Variants in TGFBR3 observed in about 807,000 individuals in gnomAD.
The protein encoded by TGFBR3 is transforming growth factor beta receptor 3.
In TGFBR3, 46 loss-of-function variants were observed where a neutral mutation model predicts 87.9. That is an observed-to-expected ratio of 0.52 (90% CI 0.41 to 0.67). The LOEUF is 0.67. Among genes scored for constraint, TGFBR3 ranks in the 30% least tolerant of loss-of-function variants. TGFBR3 has a pLI of 0.00. For synonymous variants in TGFBR3, 381 were observed against 391.6 expected (o/e 0.97, Z 0.32); for missense variants, 866 against 1,041.9 (o/e 0.83, Z 2.32).
intron 1 of TGFBR3, among the ~76,000 whole-genome samples, chr1:91,878,015 A>G (rs910198647): frequency 6.6e-6 from 1 of 152,258 alleles, no homozygotes; most frequent in Non-Finnish European, 1.5e-5. Context: ...GCAATGATGC[A>G]AAATGTATGT....
intron 1 of TGFBR3, among the ~76,000 whole-genome samples, chr1:91,865,331 A>G (rs1402606260): frequency 6.6e-6 from 1 of 151,642 alleles, no homozygotes; most frequent in Non-Finnish European, 1.5e-5. Flanking sequence ...AAGTAGAAAT[A>G]CCTAATGTAA....
At chr1:91,749,111 G>C (rs1673447058) in intron 4 of TGFBR3, among the ~76,000 whole-genome samples, 1 of 152,142 alleles carries the variant, frequency 6.6e-6, no homozygotes, top group East Asian at 1.9e-4. Context: ...GCAAGAAAAG[G>C]ATATAAAAAC....
At chr1:91,832,347 T>C (rs189637773) in intron 2 of TGFBR3, among the ~76,000 whole-genome samples, 7 of 135,158 alleles carry the variant, frequency 5.2e-5, no homozygotes, top group Non-Finnish European at 1.1e-4. Flanking sequence ...CCTTTGAATT[T>C]GTACAGGAAT....
rs1478969173 is a variant in TGFBR3, at chr1:91,680,935, A to T, written c.*2804T>A. Reference sequence around the variant, plus strand: ...AAATCTCTGGCTTTTTAAAATACAGAGTAACAGCTGGTAAACACCACATGG... The same window carrying T: ...AAATCTCTGGCTTTTTAAAATACAGTGTAACAGCTGGTAAACACCACATGG... On this transcript the variant is annotated 3_prime_UTR_variant, in exon 17 of 17. Coordinates refer to ENST00000212355, the MANE Select transcript of TGFBR3 (RefSeq NM_003243.5). The T allele has an allele frequency of 2.2e-6, 1 of 454,160 alleles. No individual in the cohort carries two copies. Among genetic ancestry groups the T allele is most frequent in the Non-Finnish European group, 4.4e-6 (1 of 226,788 alleles). 28.1% of individuals were successfully genotyped at this position (454,160 alleles called of 1,614,324 possible).
At chr1:91,812,543 T>C (rs1182544053) in intron 2 of TGFBR3, among the ~76,000 whole-genome samples, 1 of 152,184 alleles carries the variant, frequency 6.6e-6, no homozygotes, top group African/African-American at 2.4e-5. Context: ...TACTAATTAG[T>C]TTATTAAAAC....
At chr1:91,779,618 C>G (rs556410310) in intron 3 of TGFBR3, among the ~76,000 whole-genome samples, 1 of 152,170 alleles carries the variant, frequency 6.6e-6, no homozygotes, top group African/African-American at 2.4e-5. Context: ...TGAGCAAACA[C>G]AGGAAGTCAT....
intron 9 of TGFBR3, 144 bp from the exon 10 acceptor site, chr1:91,719,608 G>T: frequency 9.3e-7 from 1 of 1,075,742 alleles, no homozygotes. Context: ...TCTCTTCCCA[G>T]CTGCCCACCT....
In TGFBR3 at chr1:91,776,163, A is replaced by G. The variant is rs1674558946; in HGVS notation, c.247-17413T>C. The stretch of plus-strand genomic sequence containing the variant: ...AAGTCAACACGCAACACTGGGTGCA[A>G]CATCTAAGCCCACATTTAAGCAAAG... On this transcript the variant is annotated intron_variant, in intron 3 of 16. Coordinates refer to ENST00000212355, the MANE Select transcript of TGFBR3 (RefSeq NM_003243.5). 2.0e-5 allele frequency among the ~76,000 whole-genome samples: 3 copies of G among 152,216 alleles called. No individual in the cohort carries two copies. In the South Asian group the frequency reaches 6.2e-4, roughly 32 times the overall value.
chr1:91,748,147 C>T lies in TGFBR3; in HGVS notation c.384+10466G>A, dbSNP rs181858133. On this transcript the variant is annotated intron_variant, in intron 4 of 16. Transcript: ENST00000212355. ...AAGAATGGAGGTGAGGCCTCTAGCCCGAAATAACTGTGGTTGGAGCCTCCT... is the reference window on the plus strand; with the variant it reads ...AAGAATGGAGGTGAGGCCTCTAGCCTGAAATAACTGTGGTTGGAGCCTCCT... 5.2e-3 allele frequency among the ~76,000 whole-genome samples: 795 copies of T among 152,262 alleles called. 7 individuals carry two copies. Among genetic ancestry groups the T allele is most frequent in the Middle Eastern group, 0.014 (4 of 292 alleles).
intron 4 of TGFBR3, among the ~76,000 whole-genome samples, chr1:91,745,684 C>A (rs1233809269): frequency 6.6e-6 from 1 of 152,190 alleles, no homozygotes; most frequent in Non-Finnish European, 1.5e-5. Context: ...CCTGGGAGGA[C>A]CCCACTTGCC....
intron 14 of TGFBR3, among the ~76,000 whole-genome samples, chr1:91,705,337 C>A (rs1416815816): frequency 6.6e-6 from 1 of 151,498 alleles, no homozygotes; most frequent in African/African-American, 2.4e-5. Flanking sequence ...CAATTCTCTG[C>A]CTCAGCCTAA....
In TGFBR3 at chr1:91,710,190, T is replaced by C. The variant is rs906801641; in HGVS notation, c.2167-1407A>G. On this transcript the variant is annotated intron_variant, in intron 13 of 16. Transcript: ENST00000212355. ...TCCAAACACAAAAGAGCAAAGACTT[T>C]AGGCCTTGCTGTCATTGCTGCTCTG... Among the ~76,000 whole-genome samples, 7 of 152,192 alleles carry C rather than the reference T, an allele frequency of 4.6e-5. No individual in the cohort carries two copies. In the East Asian group the frequency reaches 7.7e-4, roughly 17 times the overall value.
In TGFBR3 at chr1:91,681,926, C is replaced by A. The variant is rs778134022; in HGVS notation, c.*1813G>T. On this transcript the variant is annotated 3_prime_UTR_variant, in exon 17 of 17. Transcript: ENST00000212355. ...AAAAAAAAATTAAAGGAAAAAAATT[C>A]TCTAAACTCATGTCTTCTTCGTTTG... is the stretch of plus-strand genomic sequence containing the variant. 1 of 451,330 alleles carries A rather than the reference C, an allele frequency of 2.2e-6. No individual in the cohort carries two copies. Among genetic ancestry groups the A allele is most frequent in the Non-Finnish European group, 4.4e-6 (1 of 226,210 alleles). 28.0% of individuals were successfully genotyped at this position (451,330 alleles called of 1,614,324 possible).
chr1:91,796,266 A>G (rs1675376893), intron 3 of TGFBR3, among the ~76,000 whole-genome samples: 1 of 152,212 alleles, frequency 6.6e-6, no homozygotes. Flanking sequence ...TTTGAGCCAC[A>G]GGAAAGAGGA....
intron 2 of TGFBR3, among the ~76,000 whole-genome samples, chr1:91,852,920 C>T (rs1024894642): frequency 6.6e-6 from 1 of 151,936 alleles, no homozygotes. Context: ...TTTGGGAGGC[C>T]GATATGGGTG....
At chr1:91,814,441 C>T (rs1338296799) in intron 2 of TGFBR3, among the ~76,000 whole-genome samples, 2 of 151,894 alleles carry the variant, frequency 1.3e-5, no homozygotes, top group East Asian at 3.9e-4. Context: ...TTTAATCAAA[C>T]AAGAACAGGA....
At chr1:91,905,364 A>G (rs748375082) in intron 1 of TGFBR3, among the ~76,000 whole-genome samples, 2 of 152,180 alleles carry the variant, frequency 1.3e-5, no homozygotes, top group African/African-American at 2.4e-5. Flanking sequence ...ATAAAAATTT[A>G]CCAGTTATCC....
intron 1 of TGFBR3, among the ~76,000 whole-genome samples, chr1:91,904,093 A>T (rs1215989304): frequency 6.6e-6 from 1 of 152,178 alleles, no homozygotes. Context: ...CTGAGACACA[A>T]GAATCGCTTG....
At chr1:91,868,594 T>A (rs1300045444) in intron 1 of TGFBR3, among the ~76,000 whole-genome samples, 3 of 152,188 alleles carry the variant, frequency 2.0e-5, no homozygotes, top group Admixed American at 1.3e-4. Flanking sequence ...AGCTGGGGGC[T>A]GTGGAACTTG....
Sources: allele counts gnomAD v4.1 joint callset (sites outside exome capture counted in the v4.1 genomes callset), GRCh38; gene constraint gnomAD v4.1.1; transcripts MANE v1.5; gene names NCBI Gene and HGNC (gene_info 2026-07-23, HGNC 2026-07-21).